COPZ1: variants seen among roughly 807,000 people sequenced by gnomAD.
COPZ1 encodes coat protein complex I subunit zeta 1.
In COPZ1, 4 loss-of-function variants were observed where a neutral mutation model predicts 31.7. That is an observed-to-expected ratio of 0.13 (90% CI 0.06 to 0.29). The LOEUF (loss-of-function observed/expected upper bound fraction) is 0.29, where lower values mean the gene tolerates loss of function less well. Among genes scored for constraint, COPZ1 ranks in the 10% least tolerant of loss-of-function variants. The pLI is 1.00. For synonymous variants in COPZ1, 74 were observed against 79.0 expected (o/e 0.94, Z 0.33); for missense variants, 156 against 211.5 (o/e 0.74, Z 1.63).
chr12:54,325,212 TG>T, intron 1 of COPZ1, 31 bp downstream of exon 1: 1 of 1,553,706 alleles, frequency 6.4e-7, no homozygotes, highest in East Asian at 2.4e-5. Flanking sequence ...AGAGATGCTG[TG>T]GTGTCCACAG....
chr12:54,328,215 G>T (rs1953689215), intron 1 of COPZ1, among the ~76,000 whole-genome samples: 5 of 150,724 alleles, frequency 3.3e-5, no homozygotes, highest in Admixed American at 2.0e-4. Flanking sequence ...GGCAGAGGTT[G>T]CAGTGAGCCG....
chr12:54,338,995 G>A (rs1451615535), intron 1 of COPZ1, among the ~76,000 whole-genome samples: 1 of 152,032 alleles, frequency 6.6e-6, no homozygotes, highest in African/African-American at 2.4e-5. Flanking sequence ...CCTCACTCTT[G>A]GATATCTGTC....
chr12:54,327,996 AGT>A (rs1157432858), intron 1 of COPZ1, among the ~76,000 whole-genome samples: 1 of 151,966 alleles, frequency 6.6e-6, no homozygotes, highest in Non-Finnish European at 1.5e-5. Flanking sequence ...TGTCGGGCGC[AGT>A]GCAGTGGCTC....
At chr12:54,345,631 T>G (rs1175770617) in intron 5 of COPZ1, 116 bp downstream of exon 5, 2 of 807,564 alleles carry the variant, frequency 2.5e-6, no homozygotes, top group Non-Finnish European at 4.1e-6. Flanking sequence ...TGTAGGGGAT[T>G]GGCAAAGGCT....
chr12:54,345,360 C>A, intron 4 of COPZ1, 100 bp from the exon 5 acceptor site: 1 of 796,096 alleles, frequency 1.3e-6, no homozygotes, highest in Non-Finnish European at 2.1e-6. Context: ...TTGTGAAAGC[C>A]TGTGTCTTTT....
At chr12:54,326,115 C>T (rs1953631261) in intron 1 of COPZ1, among the ~76,000 whole-genome samples, 1 of 133,046 alleles carries the variant, frequency 7.5e-6, no homozygotes, top group Admixed American at 8.2e-5. Flanking sequence ...ACCACCGCGC[C>T]TGGCCAGGAA....
intron 1 of COPZ1, 94 bp downstream of exon 1, chr12:54,325,275 G>A (rs1412484061): frequency 6.8e-7 from 1 of 1,464,826 alleles, no homozygotes; most frequent in East Asian, 2.5e-5. Flanking sequence ...AGAGAGTTCC[G>A]GGTAATTCTT....
At chr12:54,349,802 G>A in intron 8 of COPZ1, 144 bp downstream of exon 8, 2 of 778,646 alleles carry the variant, frequency 2.6e-6, no homozygotes, top group Non-Finnish European at 4.6e-6. Context: ...AGAGAACTGG[G>A]ACTCATACAG....
At chr12:54,332,251 G>A (rs1294150048) in intron 1 of COPZ1, among the ~76,000 whole-genome samples, 1 of 152,082 alleles carries the variant, frequency 6.6e-6, no homozygotes, top group African/African-American at 2.4e-5. Context: ...GAACCCGGGA[G>A]GCGGAGGTTG....
chr12:54,349,832 A>G (rs1393892907), intron 8 of COPZ1, 174 bp downstream of exon 8: 1 of 698,668 alleles, frequency 1.4e-6, no homozygotes, highest in Non-Finnish European at 2.6e-6. Context: ...CCCTACCCCT[A>G]CTTCCAACTC....
chr12:54,333,931 G>C (rs1210329644), intron 1 of COPZ1, among the ~76,000 whole-genome samples: 1 of 152,058 alleles, frequency 6.6e-6, no homozygotes, highest in Non-Finnish European at 1.5e-5. Context: ...ATCTAATCTT[G>C]TGTGTATACA....
intron 1 of COPZ1, among the ~76,000 whole-genome samples, chr12:54,333,302 C>T (rs1953792355): frequency 6.6e-6 from 1 of 152,158 alleles, no homozygotes; most frequent in African/African-American, 2.4e-5. Context: ...CCCACATTGG[C>T]CTCCCAAAGT....
intron 1 of COPZ1, among the ~76,000 whole-genome samples, chr12:54,339,975 CTGTGCG>C (rs1051136985): frequency 8.1e-6 from 1 of 123,502 alleles, no homozygotes; most frequent in African/African-American, 3.6e-5. Context: ...ACTGGTGTGC[CTGTGCG>C]TGTGTGTGTG....
At chr12:54,325,205 G>C in intron 1 of COPZ1, 24 bp downstream of exon 1, 1 of 1,555,748 alleles carries the variant, frequency 6.4e-7, no homozygotes, top group Non-Finnish European at 8.7e-7. Context: ...GGGCAGCAGA[G>C]ATGCTGTGGT....
intron 3 of COPZ1, 145 bp downstream of exon 3, chr12:54,342,432 A>C: frequency 1.5e-6 from 1 of 651,940 alleles, no homozygotes; most frequent in Non-Finnish European, 2.7e-6. Context: ...AACTCTTCAG[A>C]ATGTAATGGG....
At chr12:54,342,172 G>T (rs369136859) in intron 2 of COPZ1, 34 bp from the exon 3 acceptor site, 9 of 1,526,626 alleles carry the variant, frequency 5.9e-6, no homozygotes, top group Non-Finnish European at 8.2e-6. Context: ...TCCAGCTCTA[G>T]TGACCCAACC....
At chr12:54,328,420 C>T (rs1341293024) in intron 1 of COPZ1, among the ~76,000 whole-genome samples, 2 of 151,512 alleles carry the variant, frequency 1.3e-5, no homozygotes, top group Non-Finnish European at 2.9e-5. Context: ...AAATACAAAA[C>T]TTAGCTGGGC....
Position 54,343,260 on chromosome 12 carries a change from T to C in COPZ1, c.205T>C (p.Tyr69His), listed in dbSNP as rs771797469. ...CCTCTTGGAAGGCCTGACAGTGGTA[T>C]ACAAAAGCAGTATAGATCTCTATTT... ...IALLEGLTVV[Y>H]KSSIDLYFYV... The change falls in exon 4 of 9, where the codon TAC becomes CAC. Residue 69 changes from tyrosine to histidine, a missense_variant. Coordinates refer to ENST00000262061, the MANE Select transcript of COPZ1 (RefSeq NM_016057.3). 2 of 1,614,042 alleles carry C rather than the reference T, an allele frequency of 1.2e-6. No homozygotes were observed. Among genetic ancestry groups the C allele is most frequent in the Non-Finnish European group, 8.5e-7 (1 of 1,180,010 alleles).
At chr12:54,339,463 T>G (rs1953932979) in intron 1 of COPZ1, among the ~76,000 whole-genome samples, 1 of 152,136 alleles carries the variant, frequency 6.6e-6, no homozygotes, top group South Asian at 2.1e-4. Flanking sequence ...TCCTATCACC[T>G]CAGCCTCCTG....
Sources: gnomAD v4.1 joint callset for allele counts (sites outside exome capture counted in the v4.1 genomes callset) on GRCh38, gnomAD v4.1.1 for gene constraint, MANE v1.5 for transcripts, NCBI Gene and HGNC (gene_info 2026-07-23, HGNC 2026-07-21) for gene names.